GPR158: variants seen among roughly 807,000 people sequenced by gnomAD.
The protein encoded by GPR158 is G protein-coupled receptor 158.
In GPR158, 30 loss-of-function variants were observed where a neutral mutation model predicts 78.2. The observed-to-expected ratio is 0.38, with a 90% confidence interval of 0.29 to 0.52. The LOEUF is 0.52. GPR158 is among the 20% of genes least tolerant of loss of function. The pLI is 0.83. For missense variants in GPR158, 1,463 were observed against 1,523.5 expected (o/e 0.96, Z 0.66); for synonymous variants, 581 against 591.1 (o/e 0.98, Z 0.25).
chr10:25,527,825 C>T (rs190376277), intron 5 of GPR158, among the ~76,000 whole-genome samples: 52 of 152,062 alleles, frequency 3.4e-4, no homozygotes, highest in African/African-American at 1.2e-3. Flanking sequence ...ATGGAATACA[C>T]AAATTACCAG....
At chr10:25,244,591 GGCCAAAGTGCAGACCTCAAA>G (rs980087293) in intron 2 of GPR158, 7 of 152,096 alleles carry the variant, frequency 4.6e-5, no homozygotes, top group African/African-American at 1.7e-4. Flanking sequence ...TCTTTATAGT[GGCCAAAGTGCAGACCTCAAA>G]GCAGGTCTGA....
At chr10:25,224,749 C>T (rs566103969) in intron 2 of GPR158, among the ~76,000 whole-genome samples, 3 of 152,082 alleles carry the variant, frequency 2.0e-5, no homozygotes, top group Non-Finnish European at 2.9e-5. Flanking sequence ...ACTATGTTTG[C>T]TACCAATTTT....
At chr10:25,509,564 T>A (rs1256125786) in intron 5 of GPR158, among the ~76,000 whole-genome samples, 1 of 152,170 alleles carries the variant, frequency 6.6e-6, no homozygotes, top group Non-Finnish European at 1.5e-5. Flanking sequence ...GGGATGACTA[T>A]AATAGCTACA....
chr10:25,363,867 T>C (rs1286154002), intron 2 of GPR158, among the ~76,000 whole-genome samples: 1 of 151,944 alleles, frequency 6.6e-6, no homozygotes, highest in Non-Finnish European at 1.5e-5. Flanking sequence ...ACAACTTTAT[T>C]ACATAAAAGT....
chr10:25,588,363 CT>C, intron 7 of GPR158, among the ~76,000 whole-genome samples: 1 of 152,336 alleles, frequency 6.6e-6, no homozygotes, highest in African/African-American at 2.4e-5. Context: ...AGCTGCTACA[CT>C]GTGCTCGTCT....
At chr10:25,408,124 T>C (rs918906465) in intron 3 of GPR158, among the ~76,000 whole-genome samples, 3 of 152,238 alleles carry the variant, frequency 2.0e-5, no homozygotes. Flanking sequence ...TTAGGTTAAA[T>C]GTTGCCAATG....
intron 3 of GPR158, among the ~76,000 whole-genome samples, chr10:25,409,113 A>G (rs1834554233): frequency 6.6e-6 from 1 of 152,180 alleles, no homozygotes; most frequent in African/African-American, 2.4e-5. Flanking sequence ...CTGCAGCTCC[A>G]TTATACAGCC....
chr10:25,480,906 A>G (rs1004277622), intron 5 of GPR158, among the ~76,000 whole-genome samples: 13 of 152,100 alleles, frequency 8.5e-5, no homozygotes, highest in African/African-American at 2.9e-4. Context: ...TATCCCTTTC[A>G]TCAGGTATTA....
chr10:25,367,429 A>G (rs2130543089), intron 2 of GPR158, among the ~76,000 whole-genome samples: 1 of 151,642 alleles, frequency 6.6e-6, no homozygotes, highest in Non-Finnish European at 1.5e-5. Flanking sequence ...TAAGCCCCCC[A>G]GTTTTCCTTT....
chr10:25,544,290 AT>A (rs71848369), intron 5 of GPR158, among the ~76,000 whole-genome samples: 19 of 150,280 alleles, frequency 1.3e-4, no homozygotes, highest in Non-Finnish European at 2.2e-4. Context: ...ATAGTGTTTT[AT>A]TTTTTTTTTG....
chr10:25,213,746 G>T (rs551946443), intron 1 of GPR158, among the ~76,000 whole-genome samples: 1 of 152,058 alleles, frequency 6.6e-6, no homozygotes, highest in South Asian at 2.1e-4. Context: ...GGAAGGGAAT[G>T]ATTTAAATTT....
intron 4 of GPR158, among the ~76,000 whole-genome samples, chr10:25,440,130 C>T (rs1448086979): frequency 6.6e-6 from 1 of 152,084 alleles, no homozygotes; most frequent in African/African-American, 2.4e-5. Context: ...GATAGATTTC[C>T]CCTGGGATTT....
intron 7 of GPR158, among the ~76,000 whole-genome samples, chr10:25,584,125 G>GCCCTATTT: frequency 1.6e-5 from 1 of 63,400 alleles, no homozygotes; most frequent in Non-Finnish European, 3.6e-5. Flanking sequence ...GTTTCTGAAA[G>GCCCTATTT]GATCTCGAAA....
At chr10:25,449,505 G>T (rs1269364691) in intron 4 of GPR158, among the ~76,000 whole-genome samples, 5 of 152,156 alleles carry the variant, frequency 3.3e-5, no homozygotes, top group African/African-American at 9.7e-5. Flanking sequence ...ACCGTGTGCA[G>T]TGAGCACAAA....
At chr10:25,451,842 C>T (rs1467129831) in intron 4 of GPR158, among the ~76,000 whole-genome samples, 2 of 152,102 alleles carry the variant, frequency 1.3e-5, no homozygotes, top group Admixed American at 6.5e-5. Flanking sequence ...TTACTCATTA[C>T]CACATTTATT....
chr10:25,426,257 A>T (rs1033668155), intron 4 of GPR158, among the ~76,000 whole-genome samples: 3 of 152,170 alleles, frequency 2.0e-5, no homozygotes, highest in African/African-American at 7.2e-5. Context: ...AGACCACTCA[A>T]ACTTTCTCCA....
intron 2 of GPR158, among the ~76,000 whole-genome samples, chr10:25,237,665 G>T (rs1853542040): frequency 6.6e-6 from 1 of 152,018 alleles, no homozygotes; most frequent in Non-Finnish European, 1.5e-5. Context: ...ATCTAGATTT[G>T]AAAGAATGAA....
At chr10:25,463,866 G>T (rs1022307294) in intron 4 of GPR158, among the ~76,000 whole-genome samples, 3 of 152,070 alleles carry the variant, frequency 2.0e-5, no homozygotes, top group Non-Finnish European at 4.4e-5. Flanking sequence ...AAAATAAAAG[G>T]CTCTGTGCCA....
Position 25,338,481 on chromosome 10 carries a change from TATACGTATAA to T in GPR158, c.1009-57429_1009-57420del, listed in dbSNP as rs1564426250. On this transcript the variant is annotated intron_variant, in intron 2 of 10. Transcript: ENST00000376351. ...TATATTACGTATATTATACGTATAA[TATACGTATAA>T]TATACGTATATATATTACGTATAAT... Among the ~76,000 whole-genome samples, 7 of 129,666 alleles carry T rather than the reference TATACGTATAA, an allele frequency of 5.4e-5. No individual in the cohort carries two copies. In the East Asian group the frequency reaches 6.1e-4, roughly 11 times the overall value. 85.1% of individuals were successfully genotyped at this position (129,666 alleles called of 152,430 possible). A position where few individuals can be genotyped will look rare whatever the true frequency, so the allele number is the denominator to read the frequency against.
Sources: allele counts gnomAD v4.1 joint callset (sites outside exome capture counted in the v4.1 genomes callset), GRCh38; gene constraint gnomAD v4.1.1; transcripts MANE v1.5; gene names NCBI Gene and HGNC (gene_info 2026-07-23, HGNC 2026-07-21).